The following TSNARE1 variants were observed in gnomAD, a reference collection of about 807,000 sequenced individuals.
The protein encoded by TSNARE1 is t-SNARE domain-containing protein 1.
Under a neutral mutation model 62.0 loss-of-function variants are expected in TSNARE1, and 49 were observed. The ratio of observed to expected loss-of-function variants is 0.79; its 90% CI spans 0.63 to 1.00. The LOEUF (loss-of-function observed/expected upper bound fraction) is 1.00. TSNARE1 is among the 50% of genes least tolerant of loss of function. The pLI is 0.00. For synonymous variants in TSNARE1, 328 were observed against 294.4 expected (o/e 1.11, Z -1.17); for missense variants, 755 against 700.1 (o/e 1.08, Z -0.88).
At chr8:142,296,604 C>A (rs868729303) in intron 10 of TSNARE1, among the ~76,000 whole-genome samples, 27 of 151,944 alleles carry the variant, frequency 1.8e-4, no homozygotes, top group Admixed American at 1.0e-3. Flanking sequence ...AAGCAAGGGC[C>A]GCTCACCTTC....
intron 12 of TSNARE1, among the ~76,000 whole-genome samples, chr8:142,259,829 AAGG>A (rs1407351948): frequency 6.6e-6 from 1 of 152,162 alleles, no homozygotes; most frequent in Non-Finnish European, 1.5e-5. Context: ...GGGGTTCTGG[AAGG>A]AGACTTGGTG....
intron 4 of TSNARE1, among the ~76,000 whole-genome samples, chr8:142,343,512 G>T (rs1251675287): frequency 6.6e-6 from 1 of 151,740 alleles, no homozygotes; most frequent in African/African-American, 2.4e-5. Context: ...TGTGTGACTG[G>T]GTGATGGTGA....
At chr8:142,363,114 A>G (rs995680785) in intron 1 of TSNARE1, among the ~76,000 whole-genome samples, 3 of 152,102 alleles carry the variant, frequency 2.0e-5, no homozygotes, top group Non-Finnish European at 4.4e-5. Flanking sequence ...ATCTTCTGTC[A>G]TCTCCCCACG....
At chr8:142,336,009 G>A (rs373554137) in intron 4 of TSNARE1, among the ~76,000 whole-genome samples, 87 of 152,296 alleles carry the variant, frequency 5.7e-4, no homozygotes, top group African/African-American at 2.0e-3. Context: ...CCGGCCAGGC[G>A]TGGCGGCTCA....
chr8:142,221,954 C>T (rs1157452995), intron 13 of TSNARE1, among the ~76,000 whole-genome samples: 3 of 149,096 alleles, frequency 2.0e-5, no homozygotes, highest in Non-Finnish European at 4.5e-5. Flanking sequence ...CTCACTCATC[C>T]ACTCACTCAT....
chr8:142,232,638 C>G (rs1209786537), intron 12 of TSNARE1, among the ~76,000 whole-genome samples: 1 of 152,228 alleles, frequency 6.6e-6, no homozygotes, highest in East Asian at 1.9e-4. Flanking sequence ...CTCTGCAGCT[C>G]CAGCCAGCTG....
At chr8:142,367,944 T>C (rs1417840056) in intron 1 of TSNARE1, among the ~76,000 whole-genome samples, 1 of 152,152 alleles carries the variant, frequency 6.6e-6, no homozygotes, top group Non-Finnish European at 1.5e-5. Flanking sequence ...AAATGGATCA[T>C]GGCTATCAAT....
intron 7 of TSNARE1, among the ~76,000 whole-genome samples, chr8:142,316,098 G>GGTATGGCCAGCGGCTCACACTGTA (rs1554653802): frequency 1.5e-4 from 23 of 152,010 alleles, no homozygotes; most frequent in Admixed American, 8.6e-4. Flanking sequence ...CGTAAGCGCA[G>GGTATGGCCAGCGGCTCACACTGTA]CGCCTCCCGT....
intron 12 of TSNARE1, among the ~76,000 whole-genome samples, chr8:142,262,655 T>G (rs1818954310): frequency 6.6e-6 from 1 of 152,072 alleles, no homozygotes. Context: ...AAGATCTGGT[T>G]GTTTAAAAGT....
intron 11 of TSNARE1, chr8:142,279,931 T>C: frequency 9.4e-7 from 1 of 1,069,050 alleles, no homozygotes; most frequent in Non-Finnish European, 1.1e-6. Context: ...CACCATGCGC[T>C]CCACAGGTGT....
intron 11 of TSNARE1, chr8:142,276,878 C>T: frequency 1.0e-6 from 1 of 985,462 alleles, no homozygotes; most frequent in Non-Finnish European, 1.2e-6. Flanking sequence ...CTCACACAAC[C>T]ACTGCCCAGC....
intron 11 of TSNARE1, chr8:142,280,367 G>C: frequency 1.0e-6 from 1 of 977,874 alleles, no homozygotes; most frequent in Non-Finnish European, 1.2e-6. Context: ...GAGACCCTGG[G>C]GAGAGCAGCC....
intron 4 of TSNARE1, among the ~76,000 whole-genome samples, chr8:142,334,464 C>T (rs553684666): frequency 1.3e-5 from 2 of 151,052 alleles, no homozygotes; most frequent in African/African-American, 2.4e-5. Context: ...AGGTCACAGG[C>T]CAGTAAGTGG....
At chr8:142,244,551 C>G (rs1817798424) in intron 12 of TSNARE1, among the ~76,000 whole-genome samples, 1 of 152,206 alleles carries the variant, frequency 6.6e-6, no homozygotes, top group Non-Finnish European at 1.5e-5. Flanking sequence ...CACATTGATC[C>G]ACAGATTCCA....
chr8:142,297,920 T>A (rs1170881218), intron 10 of TSNARE1, among the ~76,000 whole-genome samples: 1 of 152,172 alleles, frequency 6.6e-6, no homozygotes, highest in Non-Finnish European at 1.5e-5. Context: ...GTCCCGCGCC[T>A]GCTGTTGCTG....
At chr8:142,391,424 G>A (rs186049434) in intron 1 of TSNARE1, among the ~76,000 whole-genome samples, 8 of 152,146 alleles carry the variant, frequency 5.3e-5, no homozygotes, top group Middle Eastern at 3.4e-3. Flanking sequence ...TGTAACAGAC[G>A]CTGTACACTG....
chr8:142,221,295 G>A (rs1241023163), intron 13 of TSNARE1, among the ~76,000 whole-genome samples: 1 of 152,204 alleles, frequency 6.6e-6, no homozygotes, highest in Non-Finnish European at 1.5e-5. Flanking sequence ...GATAGCCAGC[G>A]CAAGTCTGCC....
intron 11 of TSNARE1, chr8:142,276,070 C>G (rs1306311182): frequency 2.0e-6 from 2 of 985,202 alleles, no homozygotes; most frequent in Non-Finnish European, 2.4e-6. Context: ...CCACCCTTGC[C>G]CCCAGCGCAG....
At chr8:142,383,037 T>G (rs1355079566) in intron 1 of TSNARE1, among the ~76,000 whole-genome samples, 1 of 151,966 alleles carries the variant, frequency 6.6e-6, no homozygotes, top group African/African-American at 2.4e-5. Context: ...GGGGACCCTC[T>G]CTGGAGAAGG....
Sources: allele counts gnomAD v4.1 joint callset (sites outside exome capture counted in the v4.1 genomes callset), GRCh38; gene constraint gnomAD v4.1.1; transcripts MANE v1.5; gene names NCBI Gene and HGNC (gene_info 2026-07-23, HGNC 2026-07-21).